Variants in CLIP2 observed in about 807,000 individuals in gnomAD.
CLIP2 encodes CAP-Gly domain-containing linker protein 2.
Under a neutral mutation model 111.7 loss-of-function variants are expected in CLIP2, and 41 were observed. That is an observed-to-expected ratio of 0.37 (90% confidence interval 0.29 to 0.48). The LOEUF is 0.48. Among genes scored for constraint, CLIP2 ranks in the 20% least tolerant of loss-of-function variants. The pLI is 0.99. For synonymous variants in CLIP2, 660 were observed against 644.2 expected, an observed-to-expected ratio of 1.02 and a Z score of -0.37; for missense variants, 1,160 against 1,422.1, an observed-to-expected ratio of 0.82 and a Z score of 2.96.
At chr7:74,359,566 A>T (rs932862104) in intron 6 of CLIP2, among the ~76,000 whole-genome samples, 6 of 151,904 alleles carry the variant, frequency 3.9e-5, no homozygotes, top group African/African-American at 1.5e-4. Flanking sequence ...CATGTTAGCC[A>T]GGATGGTCTC....
At chr7:74,331,648 A>G (rs1414673103) in intron 2 of CLIP2, among the ~76,000 whole-genome samples, 2 of 130,012 alleles carry the variant, frequency 1.5e-5, no homozygotes, top group Non-Finnish European at 3.1e-5. Context: ...ATCTCGGCTC[A>G]CTGCAGCCTC....
At chr7:74,298,897 A>G (rs1310183054) in intron 1 of CLIP2, among the ~76,000 whole-genome samples, 1 of 152,184 alleles carries the variant, frequency 6.6e-6, no homozygotes, top group East Asian at 1.9e-4. Flanking sequence ...GAGGAAGGGC[A>G]TTCTAGGAAC....
chr7:74,360,324 A>C (rs564019928), intron 7 of CLIP2, 46 bp downstream of exon 7: 2 of 1,432,134 alleles, frequency 1.4e-6, no homozygotes, highest in Admixed American at 2.0e-5. Flanking sequence ...CCCCTTAAGG[A>C]GGATGAGGAA....
At chr7:74,373,460 T>C (rs1790693898) in intron 9 of CLIP2, among the ~76,000 whole-genome samples, 2 of 152,122 alleles carry the variant, frequency 1.3e-5, no homozygotes, top group African/African-American at 2.4e-5. Flanking sequence ...ATCGTGCCAC[T>C]GCACTCCAGC....
intron 2 of CLIP2, among the ~76,000 whole-genome samples, chr7:74,324,733 C>T (rs575951462): frequency 1.4e-5 from 2 of 146,486 alleles, no homozygotes; most frequent in East Asian, 4.1e-4. Context: ...CAGCCTGGAG[C>T]AAAACCGAGT....
At chr7:74,309,826 C>CA (rs34735020) in intron 1 of CLIP2, among the ~76,000 whole-genome samples, 32 of 128,086 alleles carry the variant, frequency 2.5e-4, no homozygotes, top group East Asian at 6.7e-4. Flanking sequence ...GACTCCATCT[C>CA]AAAAAAAAAA....
intron 1 of CLIP2, among the ~76,000 whole-genome samples, chr7:74,303,963 G>T (rs1007987684): frequency 1.3e-5 from 2 of 151,098 alleles, no homozygotes; most frequent in Middle Eastern, 3.4e-3. Flanking sequence ...ATGGGGTTCA[G>T]TGGCAGGATC....
intron 3 of CLIP2, among the ~76,000 whole-genome samples, chr7:74,343,424 G>T (rs557798585): frequency 4.6e-5 from 7 of 152,208 alleles, no homozygotes; most frequent in African/African-American, 1.4e-4. Flanking sequence ...CACCTACTGG[G>T]GGTGGGTACA....
Position 74,376,037 on chromosome 7 carries a change from C to T in CLIP2, c.1636C>T (p.Arg546Trp), listed in dbSNP as rs1191341904. 1 of 1,612,794 alleles carries T rather than the reference C, an allele frequency of 6.2e-7. No individual in the cohort carries two copies. Among genetic ancestry groups the T allele is most frequent in the Non-Finnish European group, 8.5e-7 (1 of 1,179,904 alleles). Residue 546 changes from arginine (R) to tryptophan (W), a missense_variant, in exon 10 of 17, where the codon CGG becomes TGG. By Grantham distance (101) the Arg-to-Trp change is moderately radical. Around this residue, in one of 5 missense-constraint regions of CLIP2, gnomAD observed 676 missense variants for 777.8 expected, o/e 0.87. Coordinates refer to ENST00000223398, the MANE Select transcript of CLIP2 (RefSeq NM_003388.5). The surrounding 1 kb of genome is among the most constrained non-coding windows in gnomAD (Gnocchi z 7.1). ...HPDAAEILRL[R>W]ERLLSASKEH... is the part of the protein sequence containing the mutation. ...AGACGCCGCCGAGATCCTGCGGCTA[C>T]GGGAGCGGCTGCTCTCGGCCAGCAA...
In CLIP2 at chr7:74,375,990, G is replaced by A; in HGVS notation, c.1589G>A (p.Gly530Asp). Residue 530 changes from glycine (G) to aspartate (D), a missense_variant, in exon 10 of 17, where the codon GGT becomes GAT. Physicochemically the swap from Gly to Asp is moderately conservative, Grantham distance 94 (BLOSUM62 -1). Coordinates refer to ENST00000223398, the MANE Select transcript of CLIP2 (RefSeq NM_003388.5). ...EELQQCLLHSGPPPPDHPDAA... is the reference protein window; with the variant it reads ...EELQQCLLHSDPPPPDHPDAA... ...CTCCAGCAGTGCCTGTTGCACTCGGGTCCCCCACCTCCGGACCACCCAGAC... is the reference window on the plus strand; with the variant it reads ...CTCCAGCAGTGCCTGTTGCACTCGGATCCCCCACCTCCGGACCACCCAGAC... 4.3e-6 allele frequency: 7 copies of A among 1,611,444 alleles called. No individual in the cohort carries two copies. Among genetic ancestry groups the A allele is most frequent in the East Asian group, 2.2e-5 (1 of 44,828 alleles).
chr7:74,376,647 TC>T lies in CLIP2; in HGVS notation c.2247del (p.Ile749MetfsTer60). ...GAGTACCGGGGCCAGGCGCAGGCTA[TC>T]GAGTTCCTCAAGGAGCAGATCTCGC... ...DVEYRGQAQAIEFLKEQISLA... is the reference protein window; with the variant it reads ...DVEYRGQAQAXEFLKEQISLA... On this transcript the variant is annotated frameshift_variant, in exon 10 of 17. Coordinates refer to ENST00000223398, the MANE Select transcript of CLIP2 (RefSeq NM_003388.5). LOFTEE classifies it high-confidence loss of function. This position sits in a 1 kb window ranked among gnomAD's most constrained non-coding sequence, Gnocchi z 7.1. The T allele has an allele frequency of 6.2e-7, 1 of 1,613,464 alleles. No individual in the cohort carries two copies. The highest frequency in any genetic ancestry group is 8.5e-7 in the Non-Finnish European group (1 of 1,179,920).
intron 16 of CLIP2, 38 bp from the exon 17 acceptor site, chr7:74,403,798 TC>T (rs1791690775): frequency 6.2e-7 from 1 of 1,612,318 alleles, no homozygotes; most frequent in Non-Finnish European, 8.5e-7. Flanking sequence ...CTCCAGGCTC[TC>T]TGAGACCCTT....
At chr7:74,400,688 C>T in intron 15 of CLIP2, 133 bp downstream of exon 15, 2 of 904,820 alleles carry the variant, frequency 2.2e-6, no homozygotes, top group Non-Finnish European at 3.2e-6. Flanking sequence ...TCCCAGGAAC[C>T]TGGTCTGAAG....
intron 16 of CLIP2, among the ~76,000 whole-genome samples, chr7:74,403,384 CATG>C (rs782434169): frequency 2.0e-4 from 31 of 151,824 alleles, no homozygotes; most frequent in Admixed American, 3.9e-4. Flanking sequence ...TCCTGGTCAA[CATG>C]GTGAAACCCC....
chr7:74,336,860 GTTTTTTTTTT>G (rs376463523), intron 2 of CLIP2, among the ~76,000 whole-genome samples: 4 of 140,622 alleles, frequency 2.8e-5, no homozygotes, highest in Admixed American at 1.4e-4. Flanking sequence ...TGTTTTTTTT[GTTTTTTTTTT>G]TTTTGTTTTT....
At chr7:74,305,541 T>C (rs1402362503) in intron 1 of CLIP2, among the ~76,000 whole-genome samples, 1 of 152,210 alleles carries the variant, frequency 6.6e-6, no homozygotes, top group Non-Finnish European at 1.5e-5. Context: ...TCGCCCAGGC[T>C]GGAGTGCAAT....
intron 1 of CLIP2, among the ~76,000 whole-genome samples, chr7:74,293,193 A>G (rs1229063360): frequency 2.6e-5 from 4 of 152,156 alleles, no homozygotes; most frequent in Admixed American, 6.6e-5. Context: ...ACCTGCTTCA[A>G]TTAGGTTAAG....
intron 7 of CLIP2, among the ~76,000 whole-genome samples, chr7:74,363,847 G>T (rs1285780239): frequency 7.2e-6 from 1 of 139,274 alleles, no homozygotes; most frequent in Admixed American, 7.9e-5. Flanking sequence ...AGTGAGCCGA[G>T]ATCACACCAA....
At chr7:74,329,200 A>G (rs2116532206) in intron 2 of CLIP2, among the ~76,000 whole-genome samples, 1 of 147,624 alleles carries the variant, frequency 6.8e-6, no homozygotes, top group African/African-American at 2.5e-5. Flanking sequence ...TGCTGGGATT[A>G]CAGGCGTGAG....
Sources: allele counts gnomAD v4.1 joint callset (sites outside exome capture counted in the v4.1 genomes callset), GRCh38; gene constraint gnomAD v4.1.1; regional missense constraint gnomAD v4.1.1; non-coding constraint Gnocchi (gnomAD v3.1); transcripts MANE v1.5; gene names NCBI Gene and HGNC (gene_info 2026-07-23, HGNC 2026-07-21).